Variants in ISY1 observed in about 807,000 individuals in gnomAD.
ISY1 encodes ISY1 spliceosome associated protein, also known as pre-mRNA-splicing factor ISY1 homolog.
ISY1 carries 12 observed loss-of-function variants against 54.4 expected under a neutral mutation model. The observed-to-expected ratio is 0.22, with a 90% CI of 0.14 to 0.36. ISY1 has a LOEUF of 0.36. ISY1 is among the 10% of genes least tolerant of loss of function. The probability of loss-of-function intolerance (pLI) is 1.00; values close to 1 mark genes in which losing one functional copy is unlikely to be tolerated. For missense variants in ISY1, 282 were observed against 342.2 expected, an observed-to-expected ratio of 0.82 and a Z score of 1.39; for synonymous variants, 96 against 117.9, an observed-to-expected ratio of 0.81 and a Z score of 1.20.
chr3:129,139,500 T>C (rs1234212099), intron 7 of ISY1, among the ~76,000 whole-genome samples: 5 of 152,192 alleles, frequency 3.3e-5, no homozygotes, highest in East Asian at 1.9e-4. Context: ...CTATGAAGTG[T>C]TGACTACCTT....
chr3:129,146,077 GA>G (rs574794323), intron 5 of ISY1, among the ~76,000 whole-genome samples: 10 of 148,310 alleles, frequency 6.7e-5, no homozygotes, highest in African/African-American at 7.4e-5. Flanking sequence ...ACTAGCGTAA[GA>G]AAAAAAAAAT....
intron 6 of ISY1, among the ~76,000 whole-genome samples, chr3:129,143,505 CAAA>C (rs1360448569): frequency 4.8e-5 from 3 of 62,478 alleles, no homozygotes; most frequent in African/African-American, 6.0e-5. Context: ...GACTCTGTCT[CAAA>C]AAAAAAAAAA....
At chr3:129,135,029 C>T (rs1470517750) in intron 7 of ISY1, 75 bp from the exon 8 acceptor site, 1 of 1,510,910 alleles carries the variant, frequency 6.6e-7, no homozygotes, top group Non-Finnish European at 8.9e-7. Flanking sequence ...TGATGCAACG[C>T]TATACACACA....
At chr3:129,158,862 A>G (rs893830723) in intron 2 of ISY1, among the ~76,000 whole-genome samples, 2 of 152,126 alleles carry the variant, frequency 1.3e-5, no homozygotes, top group East Asian at 3.8e-4. Context: ...GTGTTAAAAG[A>G]CTAACATCAT....
At chr3:129,154,242 C>CA (rs777277943) in intron 5 of ISY1, among the ~76,000 whole-genome samples, 1,187 of 46,560 alleles carry the variant, frequency 0.025, 23 homozygotes, top group East Asian at 0.13. Flanking sequence ...GACTCTGTCT[C>CA]AAAAAAAAAA....
At chr3:129,159,956 G>A (rs1174869646) in intron 1 of ISY1, among the ~76,000 whole-genome samples, 2 of 152,022 alleles carry the variant, frequency 1.3e-5, no homozygotes, top group East Asian at 1.9e-4. Flanking sequence ...AAACAAACTT[G>A]GCAAATGCTT....
At chr3:129,145,547 C>T (rs185848717) in intron 6 of ISY1, among the ~76,000 whole-genome samples, 3 of 152,116 alleles carry the variant, frequency 2.0e-5, no homozygotes, top group East Asian at 1.9e-4. Flanking sequence ...AACACGAGGC[C>T]GAGAGATGAA....
At chr3:129,136,568 A>G (rs760459206) in intron 7 of ISY1, among the ~76,000 whole-genome samples, 43 of 151,752 alleles carry the variant, frequency 2.8e-4, no homozygotes, top group Non-Finnish European at 5.4e-4. Flanking sequence ...CAATGGCGCA[A>G]TCTCAGCTCA....
chr3:129,129,876 T>C lies in ISY1; in HGVS notation c.*205A>G. 1 of 435,608 alleles carries C rather than the reference T, an allele frequency of 2.3e-6. No individual in the cohort carries two copies. Among genetic ancestry groups the C allele is most frequent in the Non-Finnish European group, 4.0e-6 (1 of 247,794 alleles). 27.0% of individuals were successfully genotyped at this position (435,608 alleles called of 1,614,324 possible). A position where few individuals can be genotyped will look rare whatever the true frequency, so the allele number is the denominator to read the frequency against. The stretch of plus-strand genomic sequence containing the variant: ...ACACTCCACAATAAAAATAAATGGA[T>C]CCACACAGTAGCAAAATATGTGTAC... On this transcript the variant is annotated 3_prime_UTR_variant, in exon 11 of 11. Transcript: ENST00000393295.
chr3:129,153,208 C>T lies in ISY1; in HGVS notation c.187+3425G>A, dbSNP rs145576657. Among the ~76,000 whole-genome samples, 1,084 of 152,050 alleles carry T rather than the reference C, an allele frequency of 7.1e-3. 7 individuals are homozygous for T. The highest frequency in any genetic ancestry group is 0.02 in the African/African-American group (819 of 41,490). On this transcript the variant is annotated intron_variant, in intron 5 of 10. Transcript: ENST00000393295. ...TATTTTTCATAGAGACAGGGTTTCACCATGTTGGCCAGCCTGGTCTTGAAC... is the reference window on the plus strand; with the variant it reads ...TATTTTTCATAGAGACAGGGTTTCATCATGTTGGCCAGCCTGGTCTTGAAC...
At chr3:129,147,725 G>A (rs1359887588) in intron 5 of ISY1, among the ~76,000 whole-genome samples, 1 of 152,026 alleles carries the variant, frequency 6.6e-6, no homozygotes, top group Non-Finnish European at 1.5e-5. Context: ...CCATAATTAA[G>A]ACACAGAAAA....
At chr3:129,151,350 T>C (rs924387301) in intron 5 of ISY1, among the ~76,000 whole-genome samples, 5 of 151,876 alleles carry the variant, frequency 3.3e-5, no homozygotes, top group African/African-American at 1.2e-4. Flanking sequence ...GGATTTTAGG[T>C]GGGCATGGTG....
chr3:129,158,370 A>G (rs1937207410), intron 3 of ISY1, 138 bp downstream of exon 3: 1 of 1,167,390 alleles, frequency 8.6e-7, no homozygotes, highest in African/African-American at 1.5e-5. Flanking sequence ...TGTTGCCCAG[A>G]CTGGTCTCAA....
At chr3:129,150,808 G>A (rs895632667) in intron 5 of ISY1, among the ~76,000 whole-genome samples, 2 of 152,012 alleles carry the variant, frequency 1.3e-5, no homozygotes, top group Non-Finnish European at 2.9e-5. Flanking sequence ...ATTTCCAGCT[G>A]TTCAATGTTA....
chr3:129,155,878 C>T (rs1937119559), intron 5 of ISY1, among the ~76,000 whole-genome samples: 2 of 152,040 alleles, frequency 1.3e-5, no homozygotes, highest in Admixed American at 6.5e-5. Flanking sequence ...TGCGCTACCA[C>T]GTCCAGCCAA....
intron 7 of ISY1, among the ~76,000 whole-genome samples, chr3:129,136,720 C>A (rs558742122): frequency 6.8e-6 from 1 of 145,994 alleles, no homozygotes; most frequent in South Asian, 2.2e-4. Context: ...GACAGAGCCT[C>A]GCTCTGTCAC....
In ISY1 at chr3:129,129,908, T is replaced by G; in HGVS notation, c.*173A>C. On this transcript the variant is annotated 3_prime_UTR_variant, in exon 11 of 11. Transcript: ENST00000393295. Reference sequence around the variant, plus strand: ...AGTAGCAAAATATGTGTACAAAACCTACCAGGAAGACCAGGGACAGACCCC... The same window carrying G: ...AGTAGCAAAATATGTGTACAAAACCGACCAGGAAGACCAGGGACAGACCCC... The G allele has an allele frequency of 2.0e-6, 1 of 503,056 alleles. No individual in the cohort carries two copies. The highest frequency in any genetic ancestry group is 3.9e-5 in the South Asian group (1 of 25,608). 31.2% of individuals were successfully genotyped at this position (503,056 alleles called of 1,614,324 possible). A position where few individuals can be genotyped will look rare whatever the true frequency, so the allele number is the denominator to read the frequency against.
intron 9 of ISY1, among the ~76,000 whole-genome samples, chr3:129,131,172 C>G (rs1176082045): frequency 6.6e-6 from 1 of 152,180 alleles, no homozygotes; most frequent in Non-Finnish European, 1.5e-5. Flanking sequence ...CTGACTGGCT[C>G]CCAGTGGGGA....
chr3:129,139,703 C>T (rs1249183796), intron 7 of ISY1, among the ~76,000 whole-genome samples: 4 of 151,800 alleles, frequency 2.6e-5, no homozygotes, highest in African/African-American at 9.7e-5. Context: ...AGTGCAATGG[C>T]ACGATCTCGG....
Sources: gnomAD v4.1 joint callset for allele counts (sites outside exome capture counted in the v4.1 genomes callset) on GRCh38, gnomAD v4.1.1 for gene constraint, MANE v1.5 for transcripts, NCBI Gene and HGNC (gene_info 2026-07-23, HGNC 2026-07-21) for gene names.